MOGAT2: variants seen among roughly 807,000 people sequenced by gnomAD.
MOGAT2 encodes the protein monoacylglycerol O-acyltransferase 2, also known as 2-acylglycerol O-acyltransferase 2.
A neutral mutation model predicts 31.5 loss-of-function variants in MOGAT2; 27 were observed. The observed-to-expected ratio is 0.86, with a 90% CI of 0.63 to 1.18. The LOEUF (loss-of-function observed/expected upper bound fraction) is 1.18, where lower values mean the gene tolerates loss of function less well. MOGAT2 is among the 50% of genes most tolerant of loss of function. The pLI, the probability that MOGAT2 is intolerant of heterozygous loss-of-function variation, is 0.00. For missense variants in MOGAT2, 436 were observed against 433.2 expected, an observed-to-expected ratio of 1.01 and a Z score of -0.06; for synonymous variants, 163 against 170.0, an observed-to-expected ratio of 0.96 and a Z score of 0.32.
At chr11:75,727,389 T>G in intron 2 of MOGAT2, 46 bp from the exon 3 acceptor site, 6 of 1,566,860 alleles carry the variant, frequency 3.8e-6, no homozygotes, top group Non-Finnish European at 5.2e-6. Flanking sequence ...GAGTCAGGGC[T>G]GGTACACAGG....
chr11:75,729,308 C>T (rs1419692816), intron 5 of MOGAT2, among the ~76,000 whole-genome samples: 1 of 152,160 alleles, frequency 6.6e-6, no homozygotes, highest in East Asian at 1.9e-4. Context: ...GAGTTTTGCT[C>T]TTGTCGCTCA....
At chr11:75,727,947 G>T in intron 3 of MOGAT2, 23 bp from the exon 4 acceptor site, 1 of 1,583,838 alleles carries the variant, frequency 6.3e-7, no homozygotes, top group South Asian at 1.2e-5. Flanking sequence ...CCCCATACCT[G>T]ACCCACTTTT....
In MOGAT2 at chr11:75,727,653, C is replaced by T. The variant is rs777867718; in HGVS notation, c.475+14C>T. 3.7e-6 allele frequency: 6 copies of T among 1,609,032 alleles called. No individual in the cohort carries two copies. In the East Asian group the frequency reaches 6.7e-5, roughly 18 times the overall value. ...TCATGTCTGCAGGTGAGTCTTTCTA[C>T]CCCTGAGCAGCTCAGGAAGGTAACA... On this transcript the variant is annotated intron_variant, in intron 3 of 5. Transcript: ENST00000198801.
rs1944364013 is a variant in MOGAT2, at chr11:75,720,066, T to C, written c.166T>C (p.Trp56Arg). 6.2e-7 allele frequency: 1 copy of C among 1,614,070 alleles called. No individual in the cohort carries two copies. The highest frequency in any genetic ancestry group is 8.5e-7 in the Non-Finnish European group (1 of 1,180,044). ...FWLLTVLYAA[W>R]WYLDRDKPRQ... Reference sequence around the variant, plus strand: ...GCTCCTCACTGTCCTGTATGCGGCCTGGTGGTATCTGGACCGAGACAAGCC... The same window carrying C: ...GCTCCTCACTGTCCTGTATGCGGCCCGGTGGTATCTGGACCGAGACAAGCC... The change falls in exon 2 of 6, where the codon TGG becomes CGG. Residue 56 changes from tryptophan (W) to arginine (R), a missense_variant. By Grantham distance (101) the Trp-to-Arg change is moderately radical. Transcript: ENST00000198801.
intron 2 of MOGAT2, among the ~76,000 whole-genome samples, chr11:75,724,021 G>A (rs563653513): frequency 3.9e-5 from 6 of 152,342 alleles, no homozygotes; most frequent in East Asian, 1.9e-4. Flanking sequence ...CCAGGGAGGC[G>A]TTATCAGTGT....
intron 2 of MOGAT2, among the ~76,000 whole-genome samples, chr11:75,726,691 C>T (rs1294102711): frequency 6.9e-6 from 1 of 144,348 alleles, no homozygotes; most frequent in Non-Finnish European, 1.5e-5. Flanking sequence ...TATGGAGGAA[C>T]ATTGATTTTT....
In MOGAT2 at chr11:75,727,554, G is replaced by A. The variant is rs376957357; in HGVS notation, c.390G>A (p.Ser130=). 3.0e-5 allele frequency: 48 copies of A among 1,614,034 alleles called. No individual in the cohort carries two copies. The Middle Eastern group carries it at 4.9e-4, about 17-fold the overall frequency. Residue 130 remains serine (S), a synonymous_variant, in exon 3 of 6, where the codon TCG becomes TCA. Transcript: ENST00000198801. ...NLCTESTGFS[S]IFPGIRPHLM... The stretch of plus-strand genomic sequence containing the variant: ...GCACTGAGAGCACAGGCTTCTCTTC[G>A]ATCTTCCCCGGTATCCGCCCCCATC...
chr11:75,717,847 C>G lies in MOGAT2; in HGVS notation c.-42C>G. The G allele has an allele frequency of 6.3e-7, 1 of 1,596,568 alleles. No homozygotes were observed. Among genetic ancestry groups the G allele is most frequent in the Non-Finnish European group, 8.6e-7 (1 of 1,165,896 alleles). ...AACCTGTGGGTGCCTCAGACCACAG[C>G]AGAGCTCACAGAACCTGCGGGAGCC... On this transcript the variant is annotated 5_prime_UTR_variant, in exon 1 of 6. Coordinates refer to ENST00000198801, the MANE Select transcript of MOGAT2 (RefSeq NM_025098.4).
rs573609575 is a variant in MOGAT2, at chr11:75,731,657, G to T, written c.*371G>T. Reference sequence around the variant, plus strand: ...AGCATCTCTTCTACTGCATTCTGTTGGTCGAAGCAAGTCACAACCCAGCAG... The same window carrying T: ...AGCATCTCTTCTACTGCATTCTGTTTGTCGAAGCAAGTCACAACCCAGCAG... On this transcript the variant is annotated 3_prime_UTR_variant, in exon 6 of 6. Coordinates refer to ENST00000198801, the MANE Select transcript of MOGAT2 (RefSeq NM_025098.4). 11 of 173,530 alleles carry T rather than the reference G, an allele frequency of 6.3e-5. No individual in the cohort carries two copies. The highest frequency in any genetic ancestry group is 8.5e-5 in the Non-Finnish European group (7 of 82,718). The allele number at this position is 173,530 out of a possible 1,614,324, so 10.7% of individuals were successfully genotyped here.
chr11:75,727,903 G>A lies in MOGAT2; in HGVS notation c.476-67G>A. ...AGGCATTGCTGGTGATCTCTTTATGGGCTACATGTACTTTCATAGCCCCTG... is the reference window on the plus strand; with the variant it reads ...AGGCATTGCTGGTGATCTCTTTATGAGCTACATGTACTTTCATAGCCCCTG... On this transcript the variant is annotated intron_variant, in intron 3 of 5. Transcript: ENST00000198801. 3.4e-6 allele frequency: 5 copies of A among 1,469,194 alleles called. No homozygotes were observed. The South Asian group carries it at 6.7e-5, about 20-fold the overall frequency. 91.0% of individuals were successfully genotyped at this position (1,469,194 alleles called of 1,614,324 possible).
At chr11:75,720,555 C>T (rs542975806) in intron 2 of MOGAT2, among the ~76,000 whole-genome samples, 17 of 152,236 alleles carry the variant, frequency 1.1e-4, no homozygotes, top group African/African-American at 3.9e-4. Flanking sequence ...TAACATTCAT[C>T]AGAAGAGGAG....
rs530303670 is a variant in MOGAT2, at chr11:75,732,516, A to T, written c.*1230A>T. On this transcript the variant is annotated 3_prime_UTR_variant, in exon 6 of 6. Coordinates refer to ENST00000198801, the MANE Select transcript of MOGAT2 (RefSeq NM_025098.4). ...CGAGCTTCTCAGCCTGCCGTTTGCC[A>T]CTCTCCAGCATCTGGCCCAGCCTGT... 6.6e-6 allele frequency: 1 copy of T among 151,828 alleles called. No individual in the cohort carries two copies. Among genetic ancestry groups the T allele is most frequent in the East Asian group, 1.9e-4 (1 of 5,138 alleles). 9.4% of individuals were successfully genotyped at this position (151,828 alleles called of 1,614,324 possible).
At chr11:75,729,720 C>T (rs1052351764) in intron 5 of MOGAT2, among the ~76,000 whole-genome samples, 3 of 149,334 alleles carry the variant, frequency 2.0e-5, no homozygotes, top group South Asian at 2.1e-4. Flanking sequence ...TTTACAATGC[C>T]AGAGAAGGAG....
At chr11:75,722,939 C>T (rs982343899) in intron 2 of MOGAT2, among the ~76,000 whole-genome samples, 3 of 152,160 alleles carry the variant, frequency 2.0e-5, no homozygotes, top group Non-Finnish European at 4.4e-5. Context: ...CTATGTGCAT[C>T]TTTTTGTTTC....
At position 75,727,425 on chromosome 11, in the gene MOGAT2, G is replaced by T; in HGVS notation, c.271-10G>T. 2 of 1,610,168 alleles carry T rather than the reference G, an allele frequency of 1.2e-6. No homozygotes were observed. Among genetic ancestry groups the T allele is most frequent in the Non-Finnish European group, 8.5e-7 (1 of 1,177,216 alleles). On this transcript the variant is annotated splice_polypyrimidine_tract_variant and intron_variant, in intron 2 of 5. Coordinates refer to ENST00000198801, the MANE Select transcript of MOGAT2 (RefSeq NM_025098.4). ...CCCCGCCCTGGCTCAGCAGGTTGCC[G>T]TCCCTGCAGCTGGTCAAGACTGCTG...
chr11:75,724,113 G>T (rs1263857821), intron 2 of MOGAT2, among the ~76,000 whole-genome samples: 1 of 152,204 alleles, frequency 6.6e-6, no homozygotes, highest in Admixed American at 6.5e-5. Context: ...CAGAACCGGG[G>T]TCTCCTGACT....
chr11:75,722,487 CG>C (rs1010178268), intron 2 of MOGAT2, among the ~76,000 whole-genome samples: 1 of 152,060 alleles, frequency 6.6e-6, no homozygotes. Flanking sequence ...CCAAGCTCAC[CG>C]GGGGGGAAAG....
At chr11:75,727,709 ACTT>A in intron 3 of MOGAT2, 70 bp downstream of exon 3, 1 of 1,452,860 alleles carries the variant, frequency 6.9e-7, no homozygotes, top group Non-Finnish European at 9.5e-7. Flanking sequence ...ATAGTTCTGT[ACTT>A]CTTCCAAGAG....
At chr11:75,726,859 C>T (rs767366822) in intron 2 of MOGAT2, among the ~76,000 whole-genome samples, 14 of 151,978 alleles carry the variant, frequency 9.2e-5, no homozygotes, top group South Asian at 2.1e-4. Context: ...CCACCACGCC[C>T]AGCTAATTTT....
Sources: allele counts gnomAD v4.1 joint callset (sites outside exome capture counted in the v4.1 genomes callset), GRCh38; gene constraint gnomAD v4.1.1; transcripts MANE v1.5; gene names NCBI Gene and HGNC (gene_info 2026-07-23, HGNC 2026-07-21).